Variants in XKR9 observed in about 807,000 individuals in gnomAD.
The protein encoded by XKR9 is XK related 9, also known as XK-related protein 9.
Under a neutral mutation model 32.0 loss-of-function variants are expected in XKR9, and 32 were observed. That is an observed-to-expected ratio of 1.00 (90% confidence interval 0.76 to 1.34). XKR9 has a LOEUF of 1.34. Among genes scored for constraint, XKR9 ranks in the 40% most tolerant of loss-of-function variants. The probability of loss-of-function intolerance (pLI) is 0.00; values close to 1 mark genes in which losing one functional copy is unlikely to be tolerated. For missense variants in XKR9, 546 were observed against 429.7 expected (o/e 1.27, Z -2.39); for synonymous variants, 168 against 143.4 (o/e 1.17, Z -1.22).
At chr8:70,858,673 A>G in the XKR9 span, among the ~76,000 whole-genome samples, 1 of 152,226 alleles carries the variant, frequency 6.6e-6, no homozygotes, top group Non-Finnish European at 1.5e-5. Context: ...AGACCAATGG[A>G]ACAGAATAGA....
chr8:70,955,256 C>T, the XKR9 span, among the ~76,000 whole-genome samples: 1 of 152,162 alleles, frequency 6.6e-6, no homozygotes, highest in African/African-American at 2.4e-5. Context: ...CAGGTAAAGG[C>T]TGCTAACACT....
chr8:70,693,068 C>T (rs1805137535), intron 3 of XKR9, among the ~76,000 whole-genome samples: 1 of 152,200 alleles, frequency 6.6e-6, no homozygotes, highest in Admixed American at 6.5e-5. Flanking sequence ...ATCAACCTTG[C>T]ATCCCGGGGC....
chr8:71,014,844 A>G, the XKR9 span, among the ~76,000 whole-genome samples: 2 of 152,168 alleles, frequency 1.3e-5, no homozygotes, highest in African/African-American at 2.4e-5. Flanking sequence ...CTGGTTGATG[A>G]CTAGGAAAGA....
At chr8:70,873,566 G>A in the XKR9 span, among the ~76,000 whole-genome samples, 9 of 152,182 alleles carry the variant, frequency 5.9e-5, no homozygotes, top group Admixed American at 3.3e-4. Context: ...GGTGTAAATA[G>A]CAGCAGAACT....
chr8:70,948,398 G>T, the XKR9 span, among the ~76,000 whole-genome samples: 3 of 152,086 alleles, frequency 2.0e-5, no homozygotes, highest in East Asian at 1.9e-4. Context: ...CCGATACCAA[G>T]ACTTGCTGTT....
chr8:70,951,435 C>T, the XKR9 span, among the ~76,000 whole-genome samples: 1 of 152,240 alleles, frequency 6.6e-6, no homozygotes, highest in Non-Finnish European at 1.5e-5. Context: ...GAAACCATCC[C>T]AGGCTGGGAG....
chr8:71,028,061 A>G, the XKR9 span, among the ~76,000 whole-genome samples: 1 of 152,206 alleles, frequency 6.6e-6, no homozygotes. Context: ...GCTGTGAGCC[A>G]TGGCAACAGG....
the XKR9 span, among the ~76,000 whole-genome samples, chr8:70,804,276 A>G: frequency 6.6e-6 from 1 of 152,242 alleles, no homozygotes; most frequent in Admixed American, 6.5e-5. Context: ...ATTTCCTGGG[A>G]TAACAGGAGG....
chr8:70,854,506 G>T, the XKR9 span, among the ~76,000 whole-genome samples: 32 of 151,972 alleles, frequency 2.1e-4, no homozygotes, highest in East Asian at 7.8e-4. Flanking sequence ...TCTTTTGCTG[G>T]GCAGAAGCTC....
At chr8:70,720,613 G>A (rs189128875) in intron 4 of XKR9, among the ~76,000 whole-genome samples, 42 of 152,208 alleles carry the variant, frequency 2.8e-4, no homozygotes, top group Middle Eastern at 6.8e-3. Context: ...ATTGATTTGC[G>A]TATGTTGAAC....
In XKR9 at chr8:70,734,892, T is replaced by G. The variant is rs1266526931; in HGVS notation, c.*468T>G. 4 of 152,406 alleles carry G rather than the reference T, an allele frequency of 2.6e-5. No individual in the cohort carries two copies. The highest frequency in any genetic ancestry group is 9.7e-5 in the African/African-American group (4 of 41,440). 9.4% of individuals were successfully genotyped at this position (152,406 alleles called of 1,614,324 possible). The stretch of plus-strand genomic sequence containing the variant: ...AAAGAAGGGAAAGCAGAAAACAAAT[T>G]TTTAGCATCTGCTGTGCTTTCATCC... On this transcript the variant is annotated 3_prime_UTR_variant, in exon 5 of 5. Coordinates refer to ENST00000408926, the MANE Select transcript of XKR9 (RefSeq NM_001011720.2).
the XKR9 span, among the ~76,000 whole-genome samples, chr8:71,060,807 CA>C: frequency 2.0e-3 from 306 of 152,246 alleles, 1 homozygote; most frequent in African/African-American, 7.1e-3. Context: ...TATGAATAAA[CA>C]AACTAAATCT....
the XKR9 span, among the ~76,000 whole-genome samples, chr8:71,019,116 A>G: frequency 1.3e-5 from 2 of 152,130 alleles, no homozygotes; most frequent in African/African-American, 4.8e-5. Context: ...TCCAAGGGGG[A>G]AATACCTTCT....
At chr8:71,031,948 GT>G in the XKR9 span, among the ~76,000 whole-genome samples, 4 of 152,132 alleles carry the variant, frequency 2.6e-5, no homozygotes, top group African/African-American at 9.7e-5. Context: ...GCGGGAGATT[GT>G]TTTTCTCATG....
the XKR9 span, among the ~76,000 whole-genome samples, chr8:71,036,397 CAT>C: frequency 2.0e-5 from 3 of 152,014 alleles, no homozygotes; most frequent in Non-Finnish European, 4.4e-5. Flanking sequence ...TTGTTACAAA[CAT>C]AAAGTTTTAA....
At chr8:70,762,005 T>G (rs1240039315) in intron 2 of XKR9, among the ~76,000 whole-genome samples, 1 of 152,130 alleles carries the variant, frequency 6.6e-6, no homozygotes, top group Non-Finnish European at 1.5e-5. Context: ...ATCAGATAGT[T>G]GTAGGCGTGC....
the XKR9 span, among the ~76,000 whole-genome samples, chr8:71,000,542 C>T: frequency 0.32 from 48,474 of 152,038 alleles, 9,068 homozygotes; most frequent in Non-Finnish European, 0.43. Context: ...AACAAAAAGA[C>T]TGGATTATAT....
chr8:71,062,495 C>T, the XKR9 span, among the ~76,000 whole-genome samples: 1 of 152,126 alleles, frequency 6.6e-6, no homozygotes, highest in Non-Finnish European at 1.5e-5. Flanking sequence ...CCTCCTAATA[C>T]CTTGCGGGTT....
chr8:70,757,888 C>G (rs549422763), intron 2 of XKR9, among the ~76,000 whole-genome samples: 134 of 152,234 alleles, frequency 8.8e-4, no homozygotes, highest in African/African-American at 3.2e-3. Flanking sequence ...TGCCTGGCTG[C>G]TTTCCTTTAT....
Sources: gnomAD v4.1 joint callset for allele counts (sites outside exome capture counted in the v4.1 genomes callset) on GRCh38, gnomAD v4.1.1 for gene constraint, MANE v1.5 for transcripts, NCBI Gene and HGNC (gene_info 2026-07-23, HGNC 2026-07-21) for gene names.